The following INO80 variants were observed in gnomAD, a reference collection of about 807,000 sequenced individuals.
INO80 encodes chromatin-remodeling ATPase INO80.
In INO80, 20 loss-of-function variants were observed where a neutral mutation model predicts 203.4. The ratio of observed to expected loss-of-function variants is 0.10; its 90% CI spans 0.07 to 0.14. INO80 has a LOEUF of 0.14. INO80 is among the 10% of genes least tolerant of loss of function. INO80 has a pLI of 1.00. For missense variants in INO80, 1,419 were observed against 1,914.4 expected (o/e 0.74, Z 4.83); for synonymous variants, 726 against 685.2 (o/e 1.06, Z -0.93).
chr15:41,113,158 C>T (rs993484114), intron 1 of INO80, among the ~76,000 whole-genome samples: 4 of 152,086 alleles, frequency 2.6e-5, no homozygotes, highest in Non-Finnish European at 4.4e-5. Context: ...TCAAACGATC[C>T]GCCTGCTCAG....
chr15:40,982,896 A>T lies in INO80; in HGVS notation c.4419T>A (p.Ala1473=), dbSNP rs531570173. The T allele has an allele frequency of 6.2e-7, 1 of 1,613,830 alleles. No individual in the cohort carries two copies. Among genetic ancestry groups the T allele is most frequent in the Admixed American group, 1.7e-5 (1 of 60,030 alleles). ...AKAGAAAASA[A]AYAAYGYNVS... ...CGTTGTACCCGTATGCGGCATAGGCAGCTGCAGAGGCCGCTGCAGCCCCGG... is the reference window on the plus strand; with the variant it reads ...CGTTGTACCCGTATGCGGCATAGGCTGCTGCAGAGGCCGCTGCAGCCCCGG... The change falls in exon 35 of 36, where the codon GCT becomes GCA. Residue 1473 remains alanine (A), a synonymous_variant. Transcript: ENST00000648947.
chr15:41,034,882 C>G (rs1383596541), intron 24 of INO80, among the ~76,000 whole-genome samples: 1 of 152,120 alleles, frequency 6.6e-6, no homozygotes, highest in Non-Finnish European at 1.5e-5. Flanking sequence ...TGCTTCTCTT[C>G]TGCATTATGT....
intron 25 of INO80, among the ~76,000 whole-genome samples, chr15:41,022,956 C>T (rs1242501547): frequency 6.6e-6 from 1 of 151,922 alleles, no homozygotes; most frequent in Non-Finnish European, 1.5e-5. Context: ...CAAAAATTAG[C>T]CTGGCATGGT....
At chr15:40,981,902 G>T (rs1406177900) in intron 35 of INO80, among the ~76,000 whole-genome samples, 1 of 152,110 alleles carries the variant, frequency 6.6e-6, no homozygotes, top group East Asian at 1.9e-4. Flanking sequence ...GTATGCCTTG[G>T]CCACTGCCAG....
intron 1 of INO80, among the ~76,000 whole-genome samples, chr15:41,097,641 T>C (rs2045745417): frequency 4.0e-5 from 6 of 151,458 alleles, no homozygotes; most frequent in Admixed American, 3.9e-4. Context: ...CCTAGCTAAT[T>C]TGTTGTATTT....
Position 41,074,394 on chromosome 15 carries a change from C to T in INO80, c.1303G>A (p.Val435Ile), listed in dbSNP as rs2045369849. 6.2e-7 allele frequency: 1 copy of T among 1,612,572 alleles called. No homozygotes were observed. Among genetic ancestry groups the T allele is most frequent in the South Asian group, 1.1e-5 (1 of 90,678 alleles). ...RQIDIGGGVV[V>I]NITQEDYDSN... is the part of the protein sequence containing the mutation. ...CCATAATCCTCCTGTGTGATGTTAA[C>T]TACCACTCCTCCACCTATATCGATT... The change falls in exon 10 of 36, where the codon GTT becomes ATT. Residue 435 changes from valine (V) to isoleucine (I), a missense_variant. By Grantham distance (29) the Val-to-Ile change is conservative. Transcript: ENST00000648947.
intron 9 of INO80, among the ~76,000 whole-genome samples, chr15:41,077,749 T>C (rs1029036662): frequency 3.3e-5 from 5 of 152,098 alleles, no homozygotes; most frequent in African/African-American, 1.2e-4. Flanking sequence ...TTTATAGATA[T>C]GAAGTATCAC....
intron 9 of INO80, among the ~76,000 whole-genome samples, chr15:41,076,928 G>A (rs2045412169): frequency 6.6e-6 from 1 of 151,852 alleles, no homozygotes; most frequent in Non-Finnish European, 1.5e-5. Context: ...CTTTTTTTGA[G>A]ATGGAGTCTC....
chr15:41,046,313 T>C (rs1436045970), intron 23 of INO80, among the ~76,000 whole-genome samples: 5 of 147,130 alleles, frequency 3.4e-5, no homozygotes, highest in Non-Finnish European at 6.0e-5. Flanking sequence ...CACTGCAACC[T>C]CCACCTCCTG....
intron 29 of INO80, among the ~76,000 whole-genome samples, chr15:40,994,357 T>C (rs2043852258): frequency 6.6e-6 from 1 of 152,096 alleles, no homozygotes; most frequent in South Asian, 2.1e-4. Context: ...ATAGCATTCA[T>C]ATTATCAGTT....
chr15:40,980,136 G>T lies in INO80; in HGVS notation c.*87C>A. On this transcript the variant is annotated 3_prime_UTR_variant, in exon 36 of 36. Coordinates refer to ENST00000648947, the MANE Select transcript of INO80 (RefSeq NM_017553.3). Reference sequence around the variant, plus strand: ...CCACTTCTGACTCAGGATGCAAGATGCTGCACGGGGCAAGCCATCCAAAGA... The same window carrying T: ...CCACTTCTGACTCAGGATGCAAGATTCTGCACGGGGCAAGCCATCCAAAGA... 9.7e-7 allele frequency: 1 copy of T among 1,027,686 alleles called. No homozygotes were observed. Among genetic ancestry groups the T allele is most frequent in the Non-Finnish European group, 1.5e-6 (1 of 668,478 alleles). 63.7% of individuals were successfully genotyped at this position (1,027,686 alleles called of 1,614,324 possible).
At chr15:41,050,191 T>C in intron 19 of INO80, 89 bp from the exon 20 acceptor site, 2 of 819,574 alleles carry the variant, frequency 2.4e-6, no homozygotes, top group Non-Finnish European at 3.9e-6. Context: ...ACACAAACCA[T>C]ATTATGATTG....
chr15:41,039,801 C>A (rs1278400154), intron 24 of INO80, among the ~76,000 whole-genome samples: 4 of 152,198 alleles, frequency 2.6e-5, no homozygotes, highest in African/African-American at 9.7e-5. Context: ...CTGTAGTAAA[C>A]ACTGAGTCTC....
At chr15:41,064,419 G>T (rs934684461) in intron 14 of INO80, among the ~76,000 whole-genome samples, 4 of 152,082 alleles carry the variant, frequency 2.6e-5, no homozygotes, top group African/African-American at 9.7e-5. Context: ...TCGCCCTGTT[G>T]CCTAGGCTGG....
chr15:41,018,794 T>C (rs1224471274), intron 26 of INO80: 2 of 152,238 alleles, frequency 1.3e-5, no homozygotes, highest in African/African-American at 4.8e-5. Flanking sequence ...CACCTGTCGC[T>C]AAGCAGGATA....
At position 41,054,023 on chromosome 15, in the gene INO80, C is replaced by T. The variant is rs776346325; in HGVS notation, c.2189-9G>A. The T allele has an allele frequency of 6.2e-7, 1 of 1,608,750 alleles. No individual in the cohort carries two copies. The highest frequency in any genetic ancestry group is 1.1e-5 in the South Asian group (1 of 90,892). ...TAAGCGAGAAAGTTGATCTGAAATG[C>T]CGGGAGGCCCCCAAATAATACATTA... On this transcript the variant is annotated splice_polypyrimidine_tract_variant and intron_variant, in intron 18 of 35. Coordinates refer to ENST00000648947, the MANE Select transcript of INO80 (RefSeq NM_017553.3).
At chr15:41,082,700 G>A (rs570478052) in intron 7 of INO80, among the ~76,000 whole-genome samples, 15 of 151,834 alleles carry the variant, frequency 9.9e-5, no homozygotes, top group South Asian at 6.2e-4. Context: ...GCGAAACTCC[G>A]TCTCAAAAAA....
intron 1 of INO80, among the ~76,000 whole-genome samples, chr15:41,100,312 G>A (rs1388677355): frequency 6.6e-6 from 1 of 152,100 alleles, no homozygotes; most frequent in Non-Finnish European, 1.5e-5. Flanking sequence ...CTGACCTCGT[G>A]ATTCGCCCGC....
chr15:41,062,534 A>C (rs1335418117), intron 14 of INO80, among the ~76,000 whole-genome samples: 1 of 151,998 alleles, frequency 6.6e-6, no homozygotes, highest in Non-Finnish European at 1.5e-5. Flanking sequence ...CTCTGTCTCC[A>C]AAAAAAACCA....
Sources: gnomAD v4.1 joint callset for allele counts (sites outside exome capture counted in the v4.1 genomes callset) on GRCh38, gnomAD v4.1.1 for gene constraint, MANE v1.5 for transcripts, NCBI Gene and HGNC (gene_info 2026-07-23, HGNC 2026-07-21) for gene names.